The following DOCK11 variants were observed in gnomAD, a reference collection of about 807,000 sequenced individuals.
The protein encoded by DOCK11 is dedicator of cytokinesis 11.
DOCK11 carries 70 observed loss-of-function variants against 169.1 expected under a neutral mutation model. That is an observed-to-expected ratio of 0.41 (90% CI 0.34 to 0.51). DOCK11 has a LOEUF of 0.51. Ranked by LOEUF, DOCK11 falls within the 20% of genes least tolerant of loss-of-function variation. The probability of loss-of-function intolerance (pLI) is 0.10; values close to 1 mark genes in which losing one functional copy is unlikely to be tolerated. For missense variants in DOCK11, 1,166 were observed against 1,538.8 expected (o/e 0.76, Z 4.05); for synonymous variants, 529 against 541.3 (o/e 0.98, Z 0.32).
At chrX:118,572,062 G>T (rs149174246) in intron 10 of DOCK11, among the ~76,000 whole-genome samples, 351 of 112,101 alleles carry the variant, frequency 3.1e-3, no homozygotes, top group African/African-American at 0.011. Context: ...TGCCATGTAG[G>T]GCTTTGTAGG....
intron 45 of DOCK11, 48 bp downstream of exon 45, chrX:118,662,840 T>A: frequency 1.4e-6 from 1 of 739,468 alleles, no homozygotes; most frequent in African/African-American, 2.1e-5. Context: ...TTTCACTTCT[T>A]AAAATTCATA....
chrX:118,527,400 G>A (rs1341424674), intron 1 of DOCK11, among the ~76,000 whole-genome samples: 1 of 111,867 alleles, frequency 8.9e-6, no homozygotes, highest in African/African-American at 3.3e-5. Context: ...TCTTACTTTT[G>A]GAGCAACAAA....
At chrX:118,521,372 A>G (rs1458064441) in intron 1 of DOCK11, among the ~76,000 whole-genome samples, 1 of 112,612 alleles carries the variant, frequency 8.9e-6, no homozygotes, top group Non-Finnish European at 1.9e-5. Context: ...TGCATAGGCT[A>G]AGTGTTAGCT....
At chrX:118,602,777 G>A (rs1451440210) in intron 23 of DOCK11, among the ~76,000 whole-genome samples, 1 of 112,074 alleles carries the variant, frequency 8.9e-6, no homozygotes, top group East Asian at 2.8e-4. Context: ...CTGAGTTCAA[G>A]TAATCCGCCT....
At chrX:118,640,434 GA>G (rs763473238) in intron 38 of DOCK11, among the ~76,000 whole-genome samples, 2 of 112,386 alleles carry the variant, frequency 1.8e-5, no homozygotes, top group Admixed American at 1.9e-4. Context: ...GTAAAAATAT[GA>G]TGAACCACTT....
At chrX:118,533,840 G>A (rs2011663676) in intron 1 of DOCK11, among the ~76,000 whole-genome samples, 1 of 112,111 alleles carries the variant, frequency 8.9e-6, no homozygotes, top group African/African-American at 3.2e-5. Context: ...AAGATCTGAG[G>A]CAGGTTATAA....
In DOCK11 at chrX:118,593,250, C is replaced by T; in HGVS notation, c.2176C>T (p.His726Tyr). Residue 726 changes from histidine (H) to tyrosine (Y), a missense_variant, in exon 20 of 53, where the codon CAT becomes TAT. Transcript: ENST00000276202. Reference protein sequence around the residue: ...IELPIHLHQKHHLLFTFYHVS... With the variant: ...IELPIHLHQKYHLLFTFYHVS... The stretch of plus-strand genomic sequence containing the variant: ...GCTTCCCATTCACCTACATCAAAAA[C>T]ATCATTTGCTTTTCACTTTTTATCA... 1.7e-6 allele frequency: 2 copies of T among 1,204,769 alleles called. No individual in the cohort carries two copies. Among genetic ancestry groups the T allele is most frequent in the Non-Finnish European group, 2.2e-6 (2 of 892,210 alleles).
intron 41 of DOCK11, among the ~76,000 whole-genome samples, chrX:118,649,509 A>AATTTT (rs1407872230): frequency 9.0e-6 from 1 of 111,425 alleles, no homozygotes; most frequent in East Asian, 2.8e-4. Context: ...CTTTATTTCA[A>AATTTT]ATTTTATTTT....
intron 36 of DOCK11, among the ~76,000 whole-genome samples, chrX:118,637,075 A>G (rs2015409632): frequency 8.9e-6 from 1 of 112,870 alleles, no homozygotes; most frequent in South Asian, 3.6e-4. Flanking sequence ...TATCAATACA[A>G]AACCCTTGGA....
At chrX:118,683,367 A>G (rs1204909189) in intron 52 of DOCK11, 150 bp downstream of exon 52, 1 of 598,894 alleles carries the variant, frequency 1.7e-6, no homozygotes, top group South Asian at 4.9e-5. Flanking sequence ...CATTTAAGTG[A>G]TACAATACAA....
intron 10 of DOCK11, among the ~76,000 whole-genome samples, chrX:118,570,544 C>T (rs974798181): frequency 8.9e-6 from 1 of 112,371 alleles, no homozygotes; most frequent in Non-Finnish European, 1.9e-5. Flanking sequence ...AGGCACAAAT[C>T]TTACACATTG....
chrX:118,531,017 A>G (rs764784935), intron 1 of DOCK11, among the ~76,000 whole-genome samples: 2 of 112,116 alleles, frequency 1.8e-5, no homozygotes, highest in East Asian at 5.6e-4. Context: ...ATATATGGCT[A>G]TGGTGTAGGA....
intron 1 of DOCK11, among the ~76,000 whole-genome samples, chrX:118,504,010 C>A: frequency 9.1e-6 from 1 of 110,420 alleles, no homozygotes; most frequent in Non-Finnish European, 1.9e-5. Context: ...TGCTCAGGTG[C>A]TCAGGAAGAG....
intron 1 of DOCK11, among the ~76,000 whole-genome samples, chrX:118,541,098 G>C (rs1316204481): frequency 1.8e-5 from 2 of 111,010 alleles, no homozygotes; most frequent in Non-Finnish European, 3.8e-5. Flanking sequence ...GAAAATCCCT[G>C]CCCTCAAATA....
Position 118,686,029 on chromosome X carries a change from T to C in DOCK11, c.*222T>C. On this transcript the variant is annotated 3_prime_UTR_variant, in exon 53 of 53. Coordinates refer to ENST00000276202, the MANE Select transcript of DOCK11 (RefSeq NM_144658.4). ...TGGTTTGTACTTTTTTAGGTAAATC[T>C]ATATGCTGAAAAGTAGAGCTCAAAA... 3.0e-6 allele frequency: 1 copy of C among 336,313 alleles called. No individual in the cohort carries two copies. The highest frequency in any genetic ancestry group is 5.0e-6 in the Non-Finnish European group (1 of 198,392). The allele number at this position is 336,313 out of a possible 1,213,427, so 27.7% of individuals were successfully genotyped here.
chrX:118,609,700 T>C (rs999619296), intron 27 of DOCK11, among the ~76,000 whole-genome samples: 2 of 112,297 alleles, frequency 1.8e-5, no homozygotes, highest in Non-Finnish European at 3.8e-5. Flanking sequence ...AGAAGACCCA[T>C]TTGGTTAAAT....
At chrX:118,496,864 GGGT>G (rs1208979996) in intron 1 of DOCK11, among the ~76,000 whole-genome samples, 5 of 111,352 alleles carry the variant, frequency 4.5e-5, no homozygotes, top group African/African-American at 1.6e-4. Flanking sequence ...GGAGGACCTG[GGGT>G]CAGAGCCCCA....
chrX:118,678,153 G>C (rs1371557461), intron 48 of DOCK11, among the ~76,000 whole-genome samples: 2 of 112,634 alleles, frequency 1.8e-5, no homozygotes, highest in South Asian at 3.6e-4. Context: ...AACAAAATCT[G>C]CTTAAGGGCA....
intron 6 of DOCK11, among the ~76,000 whole-genome samples, chrX:118,558,793 G>T (rs1273425394): frequency 8.9e-6 from 1 of 112,359 alleles, no homozygotes; most frequent in African/African-American, 3.2e-5. Flanking sequence ...GGGGAGAGTA[G>T]CTTCCAGGCT....
Sources: allele counts gnomAD v4.1 joint callset (sites outside exome capture counted in the v4.1 genomes callset), GRCh38; gene constraint gnomAD v4.1.1; transcripts MANE v1.5; gene names NCBI Gene and HGNC (gene_info 2026-07-23, HGNC 2026-07-21).